Variants in KCNMA1 observed in about 807,000 individuals in gnomAD.
KCNMA1 encodes the protein Calcium-activated potassium channel subunit alpha-1.
A neutral mutation model predicts 140.0 loss-of-function variants in KCNMA1; 29 were observed. That is an observed-to-expected ratio of 0.21 (90% CI 0.15 to 0.28). The LOEUF is 0.28. Among genes scored for constraint, KCNMA1 ranks in the 10% least tolerant of loss-of-function variants. The pLI is 1.00. For missense variants in KCNMA1, 880 were observed against 1,602.2 expected (o/e 0.55, Z 7.70); for synonymous variants, 612 against 611.9 (o/e 1.00, Z 0.00).
intron 19 of KCNMA1, among the ~76,000 whole-genome samples, chr10:76,988,351 G>T (rs2081851586): frequency 6.6e-6 from 1 of 152,066 alleles, no homozygotes; most frequent in African/African-American, 2.4e-5. Context: ...ATGATGTGAA[G>T]TCTCAACACC....
At chr10:76,963,193 C>T (rs905250947) in intron 20 of KCNMA1, among the ~76,000 whole-genome samples, 3 of 152,104 alleles carry the variant, frequency 2.0e-5, no homozygotes, top group Admixed American at 2.0e-4. Context: ...TAGAGATGGG[C>T]CCCCATCACT....
At chr10:76,969,532 G>T (rs970929247) in intron 20 of KCNMA1, among the ~76,000 whole-genome samples, 2 of 152,134 alleles carry the variant, frequency 1.3e-5, no homozygotes, top group East Asian at 1.9e-4. Context: ...GTTCATTTTT[G>T]ATTGTGATGA....
In KCNMA1 at chr10:77,193,363, G is replaced by A. The variant is rs147272338; in HGVS notation, c.603-8447C>T. ...CAGAGCTAAGCTACTACATAAAACA[G>A]AGTCTTTCCAAACAAGTATTGCTTG... is the stretch of plus-strand genomic sequence containing the variant. On this transcript the variant is annotated intron_variant, in intron 3 of 27. Transcript: ENST00000286628. Among the ~76,000 whole-genome samples the A allele has an allele frequency of 1.8e-4, 28 of 152,236 alleles. No homozygotes were observed. In the East Asian group the frequency reaches 5.2e-3, roughly 28 times the overall value.
chr10:76,884,019 C>G (rs2035753748), downstream of KCNMA1: 1 of 979,660 alleles, frequency 1.0e-6, no homozygotes, highest in Non-Finnish European at 1.2e-6. Context: ...TGCCCAAAGT[C>G]CAGGAAAACC....
chr10:77,560,717 T>C (rs1409509911), intron 1 of KCNMA1, among the ~76,000 whole-genome samples: 1 of 152,236 alleles, frequency 6.6e-6, no homozygotes, highest in East Asian at 1.9e-4. Context: ...CTCCTGAGGC[T>C]GACCAGGAGG....
intron 1 of KCNMA1, among the ~76,000 whole-genome samples, chr10:77,565,553 G>A (rs1198997619): frequency 6.6e-6 from 1 of 152,192 alleles, no homozygotes; most frequent in Admixed American, 6.5e-5. Context: ...GCCTGGTGAT[G>A]GGCAGCCTCG....
intron 1 of KCNMA1, among the ~76,000 whole-genome samples, chr10:77,533,522 G>A (rs747294830): frequency 6.6e-6 from 1 of 152,092 alleles, no homozygotes; most frequent in African/African-American, 2.4e-5. Context: ...AAGCCCTAAG[G>A]ATCCTAATCT....
intron 1 of KCNMA1, among the ~76,000 whole-genome samples, chr10:77,555,805 G>A (rs2064164710): frequency 6.6e-6 from 1 of 152,182 alleles, no homozygotes; most frequent in African/African-American, 2.4e-5. Flanking sequence ...ACACACATAT[G>A]CCTCATGGAA....
At chr10:77,366,148 C>CTCTCTT (rs1555244685) in intron 2 of KCNMA1, among the ~76,000 whole-genome samples, 2 of 149,782 alleles carry the variant, frequency 1.3e-5, no homozygotes, top group Admixed American at 6.7e-5. Context: ...CTCTCTCTTT[C>CTCTCTT]TCTTTCTTTC....
intron 2 of KCNMA1, among the ~76,000 whole-genome samples, chr10:77,296,326 G>C: frequency 6.6e-6 from 1 of 152,150 alleles, no homozygotes; most frequent in East Asian, 1.9e-4. Context: ...AAAAGGAAAG[G>C]AAGCAGAGTC....
chr10:76,919,041 G>A (rs1181386167), intron 23 of KCNMA1, among the ~76,000 whole-genome samples: 3 of 152,090 alleles, frequency 2.0e-5, no homozygotes, highest in Non-Finnish European at 2.9e-5. Context: ...ATTATTCTAA[G>A]TGATGTAACT....
intron 3 of KCNMA1, among the ~76,000 whole-genome samples, chr10:77,198,533 C>A: frequency 6.9e-6 from 1 of 145,278 alleles, no homozygotes; most frequent in Non-Finnish European, 1.5e-5. Context: ...TATTTCTTAT[C>A]AAAATCAATT....
At chr10:77,125,222 T>C (rs998905261) in intron 5 of KCNMA1, among the ~76,000 whole-genome samples, 11 of 152,170 alleles carry the variant, frequency 7.2e-5, no homozygotes, top group African/African-American at 2.4e-4. Context: ...CCCCTTGTGT[T>C]CTCTGCTCAG....
intron 14 of KCNMA1, among the ~76,000 whole-genome samples, chr10:77,049,005 C>T (rs538503748): frequency 1.5e-4 from 23 of 152,256 alleles, no homozygotes; most frequent in Admixed American, 1.5e-3. Flanking sequence ...ACCTGGAGAT[C>T]CACCCGCCTC....
chr10:76,871,833 T>A (rs1471767829), exon 28 of KCNMA1: 7 of 152,262 alleles, frequency 4.6e-5, no homozygotes, highest in Non-Finnish European at 1.0e-4. Flanking sequence ...CCATATTGAA[T>A]GTGAAACTAT....
chr10:77,337,350 G>A (rs2089436388), intron 2 of KCNMA1, among the ~76,000 whole-genome samples: 2 of 152,256 alleles, frequency 1.3e-5, no homozygotes, highest in Non-Finnish European at 2.9e-5. Flanking sequence ...GCTCATGCCT[G>A]TAATCCCAGC....
chr10:77,528,694 C>T (rs1015836871), intron 1 of KCNMA1, among the ~76,000 whole-genome samples: 6 of 151,478 alleles, frequency 4.0e-5, no homozygotes, highest in Admixed American at 1.3e-4. Context: ...TAGCCAAAGG[C>T]GGAAACAACA....
chr10:77,188,305 T>C lies in KCNMA1; in HGVS notation c.603-3389A>G, dbSNP rs199996067. Among the ~76,000 whole-genome samples the C allele has an allele frequency of 7.2e-5, 11 of 152,246 alleles. No homozygotes were observed. In the East Asian group the frequency reaches 2.1e-3, roughly 29 times the overall value. On this transcript the variant is annotated intron_variant, in intron 3 of 27. Transcript: ENST00000286628. ...GGAAAAAAAAAAAAGTGGAGTTTTA[T>C]GAACTGAAATAACACTAGTTCTGCC...
chr10:77,342,397 G>A (rs1467751256), intron 2 of KCNMA1, among the ~76,000 whole-genome samples: 1 of 152,192 alleles, frequency 6.6e-6, no homozygotes, highest in Admixed American at 6.5e-5. Context: ...GGAAGGGAAG[G>A]TCAAGGGAAA....
Sources: allele counts gnomAD v4.1 joint callset (sites outside exome capture counted in the v4.1 genomes callset), GRCh38; gene constraint gnomAD v4.1.1; transcripts MANE v1.5; gene names NCBI Gene and HGNC (gene_info 2026-07-23, HGNC 2026-07-21).